Variants in ZNF644 observed in about 807,000 individuals in gnomAD.
ZNF644 encodes zinc finger protein 644, also known as zinc finger motif enhancer binding protein 2.
ZNF644 carries 20 observed loss-of-function variants against 108.0 expected under a neutral mutation model. That is an observed-to-expected ratio of 0.19 (90% confidence interval 0.13 to 0.27). The LOEUF is 0.27. Among genes scored for constraint, ZNF644 ranks in the 10% least tolerant of loss-of-function variants. ZNF644 has a pLI of 1.00. For synonymous variants in ZNF644, 542 were observed against 539.1 expected (o/e 1.01, Z -0.08); for missense variants, 1,338 against 1,548.9 (o/e 0.86, Z 2.29).
chr1:90,942,334 A>G (rs372854441), intron 2 of ZNF644, among the ~76,000 whole-genome samples: 21 of 152,340 alleles, frequency 1.4e-4, no homozygotes, highest in African/African-American at 5.1e-4. Context: ...GTATTTCTGA[A>G]TGTTTGGGGT....
intron 2 of ZNF644, among the ~76,000 whole-genome samples, chr1:90,961,630 A>G (rs967547482): frequency 6.6e-5 from 10 of 152,144 alleles, no homozygotes; most frequent in Admixed American, 2.0e-4. Context: ...AAAACATGTA[A>G]AACAATGGTA....
chr1:90,999,483 A>G (rs1161221839), intron 1 of ZNF644, among the ~76,000 whole-genome samples: 2 of 152,206 alleles, frequency 1.3e-5, no homozygotes, highest in African/African-American at 4.8e-5. Context: ...TTTACAGAGA[A>G]GCAAATGCTG....
chr1:90,946,674 C>T (rs1652546620), intron 2 of ZNF644, among the ~76,000 whole-genome samples: 1 of 152,086 alleles, frequency 6.6e-6, no homozygotes, highest in South Asian at 2.1e-4. Context: ...GACCAACACA[C>T]TGCCACAGAG....
At chr1:90,965,414 C>A (rs369792909) in intron 2 of ZNF644, among the ~76,000 whole-genome samples, 2 of 152,210 alleles carry the variant, frequency 1.3e-5, no homozygotes, top group East Asian at 3.9e-4. Context: ...ACTGGACAAG[C>A]CCACCCTAAT....
intron 2 of ZNF644, among the ~76,000 whole-genome samples, chr1:90,954,205 A>ATC (rs1557593626): frequency 6.6e-6 from 1 of 152,194 alleles, no homozygotes; most frequent in Non-Finnish European, 1.5e-5. Flanking sequence ...TTCTTTTGAT[A>ATC]TTGGAGTCAA....
intron 1 of ZNF644, among the ~76,000 whole-genome samples, chr1:91,016,217 A>C (rs1309549984): frequency 6.6e-6 from 1 of 152,186 alleles, no homozygotes; most frequent in African/African-American, 2.4e-5. Context: ...AACCAACAAT[A>C]AATTGGGAAT....
At chr1:90,985,400 A>G (rs1482811178) in intron 1 of ZNF644, among the ~76,000 whole-genome samples, 2 of 152,192 alleles carry the variant, frequency 1.3e-5, no homozygotes, top group Non-Finnish European at 2.9e-5. Context: ...ATAGATCACT[A>G]AAGCTTATTC....
At chr1:90,998,213 C>T (rs147464075) in intron 1 of ZNF644, among the ~76,000 whole-genome samples, 163 of 152,302 alleles carry the variant, frequency 1.1e-3, no homozygotes, top group Middle Eastern at 3.4e-3. Flanking sequence ...TCTCCCAGGA[C>T]GGAGTCTGAG....
chr1:90,935,502 C>T (rs778823209), intron 4 of ZNF644: 79 of 985,742 alleles, frequency 8.0e-5, no homozygotes, highest in Non-Finnish European at 9.0e-5. Flanking sequence ...TATTGCAATG[C>T]ACACATGTTC....
chr1:90,940,859 T>C lies in ZNF644; in HGVS notation c.495A>G (p.Thr165=). The C allele has an allele frequency of 6.2e-7, 1 of 1,614,072 alleles. No homozygotes were observed. The change falls in exon 3 of 6, where the codon ACA becomes ACG. Residue 165 remains threonine, a synonymous_variant. Coordinates refer to ENST00000337393, the MANE Select transcript of ZNF644 (RefSeq NM_201269.3). The stretch of plus-strand genomic sequence containing the variant: ...CTTGGTGTTGACTTGCTTTCTGTGG[T>C]GTAGACAGCTGAAGATCAGCTGCTA... ...LKVAADLQLS[T]PQKASQHQVL... is the part of the protein sequence containing the mutation.
rs1570320637 is a variant in ZNF644, at chr1:90,918,304, T to C, written c.3689-150A>G. 8 of 688,354 alleles carry C rather than the reference T, an allele frequency of 1.2e-5. No homozygotes were observed. In the East Asian group the frequency reaches 2.2e-4, roughly 19 times the overall value. The allele number at this position is 688,354 out of a possible 1,614,324, so 42.6% of individuals were successfully genotyped here. A position where few individuals can be genotyped will look rare whatever the true frequency, so the allele number is the denominator to read the frequency against. On this transcript the variant is annotated intron_variant, in intron 4 of 5. Transcript: ENST00000337393. ...CTATTCCCTGAAGCATGCATTCAAC[T>C]TGCTGATTCTGTAATAGCAGTAATA...
At chr1:90,984,683 A>G (rs1465978818) in intron 1 of ZNF644, among the ~76,000 whole-genome samples, 2 of 152,090 alleles carry the variant, frequency 1.3e-5, no homozygotes, top group Non-Finnish European at 2.9e-5. Flanking sequence ...GTGAGCCACC[A>G]CGCCCAGCCT....
chr1:90,961,910 C>T (rs1654376096), intron 2 of ZNF644, among the ~76,000 whole-genome samples: 1 of 151,952 alleles, frequency 6.6e-6, no homozygotes, highest in Admixed American at 6.6e-5. Context: ...AGTCTCCATC[C>T]AGATAGTCCA....
rs1167743488 is a variant in ZNF644 at position 90,916,852 on chromosome 1, A to G, written c.3930T>C (p.Pro1310=). Residue 1310 remains proline (P), a synonymous_variant, in exon 6 of 6, where the codon CCT becomes CCC. Transcript: ENST00000337393. ...AAAATGAAGTTTCTGTAATGGAGGC[A>G]GGCTTTTTAAGTAGTGACGTGACTT... ...MVEVTSLLKK[P]ASITETSFSL... The G allele has an allele frequency of 6.2e-7, 1 of 1,614,214 alleles. No homozygotes were observed. The highest frequency in any genetic ancestry group is 2.2e-5 in the East Asian group (1 of 44,882).
chr1:90,961,137 TGAC>T (rs1449082268), intron 2 of ZNF644, among the ~76,000 whole-genome samples: 2 of 152,162 alleles, frequency 1.3e-5, no homozygotes, highest in Non-Finnish European at 2.9e-5. Context: ...AAAACGATGA[TGAC>T]GTTTCATGGT....
At chr1:90,935,108 T>C (rs114535057) in intron 4 of ZNF644, among the ~76,000 whole-genome samples, 1,523 of 152,142 alleles carry the variant, frequency 0.01, 12 homozygotes, top group Middle Eastern at 0.038. Flanking sequence ...TAAAATCAAT[T>C]TAAAAATCAA....
chr1:90,956,362 A>G (rs762736383), intron 2 of ZNF644, among the ~76,000 whole-genome samples: 2 of 152,246 alleles, frequency 1.3e-5, no homozygotes, highest in African/African-American at 4.8e-5. Context: ...TTCAGTTTGT[A>G]TAAGACACAA....
chr1:90,995,413 G>A (rs1658057440), intron 1 of ZNF644, among the ~76,000 whole-genome samples: 1 of 152,096 alleles, frequency 6.6e-6, no homozygotes, highest in African/African-American at 2.4e-5. Flanking sequence ...CTATTAGGCA[G>A]TCCAACATAT....
intron 1 of ZNF644, among the ~76,000 whole-genome samples, chr1:90,999,604 C>T (rs983266586): frequency 6.6e-6 from 1 of 152,136 alleles, no homozygotes; most frequent in South Asian, 2.1e-4. Context: ...TAAAGACCAT[C>T]GATGCAAGGA....
Sources: gnomAD v4.1 joint callset for allele counts (sites outside exome capture counted in the v4.1 genomes callset) on GRCh38, gnomAD v4.1.1 for gene constraint, MANE v1.5 for transcripts, NCBI Gene and HGNC (gene_info 2026-07-23, HGNC 2026-07-21) for gene names.